Variants in BRAF observed in about 807,000 individuals in gnomAD.
The protein encoded by BRAF is serine/threonine-protein kinase B-raf.
Under a neutral mutation model 104.6 loss-of-function variants are expected in BRAF, and 16 were observed. The ratio of observed to expected loss-of-function variants is 0.15; its 90% CI spans 0.10 to 0.23. BRAF has a LOEUF of 0.23. Ranked by LOEUF, BRAF falls within the 10% of genes least tolerant of loss-of-function variation. The pLI, the probability that BRAF is intolerant of heterozygous loss-of-function variation, is 1.00. For synonymous variants in BRAF, 310 were observed against 341.6 expected (o/e 0.91, Z 1.02); for missense variants, 541 against 937.3 (o/e 0.58, Z 5.52).
intron 3 of BRAF, 152 bp downstream of exon 3, chr7:140,834,457 C>T (rs1024917237): frequency 9.1e-7 from 1 of 1,097,572 alleles, no homozygotes; most frequent in Non-Finnish European, 1.3e-6. Flanking sequence ...ACTTTGCCAC[C>T]AAATAATTAC....
Position 140,721,930 on chromosome 7 carries a change from A to G in BRAF, c.*4564T>C. On this transcript the variant is annotated 3_prime_UTR_variant, in exon 20 of 20. Coordinates refer to ENST00000644969, the MANE Select transcript of BRAF (RefSeq NM_001374258.1). Reference sequence around the variant, plus strand: ...GAAGAAATTTACATTTCAAACTCTGAAAAATCAGTGTCTAGGTTGGCAGCA... The same window carrying G: ...GAAGAAATTTACATTTCAAACTCTGGAAAATCAGTGTCTAGGTTGGCAGCA... 3 of 1,260,740 alleles carry G rather than the reference A, an allele frequency of 2.4e-6. No individual in the cohort carries two copies. Among genetic ancestry groups the G allele is most frequent in the Non-Finnish European group, 3.0e-6 (3 of 1,005,310 alleles). 78.1% of individuals were successfully genotyped at this position (1,260,740 alleles called of 1,614,324 possible).
chr7:140,877,189 A>G (rs1391788229), intron 1 of BRAF, among the ~76,000 whole-genome samples: 2 of 151,888 alleles, frequency 1.3e-5, no homozygotes, highest in Non-Finnish European at 2.9e-5. Flanking sequence ...CAACTGAATG[A>G]AAATACAGCA....
At chr7:140,853,209 A>G (rs940658849) in intron 1 of BRAF, among the ~76,000 whole-genome samples, 8 of 148,832 alleles carry the variant, frequency 5.4e-5, no homozygotes, top group African/African-American at 1.3e-4. Flanking sequence ...AGGACCCTGT[A>G]TCTACAAAAA....
chr7:140,713,515 A>AT, the BRAF span, among the ~76,000 whole-genome samples: 7 of 151,096 alleles, frequency 4.6e-5, no homozygotes, highest in South Asian at 6.3e-4. Flanking sequence ...CATTCATCTA[A>AT]TTTTTTTTCA....
At chr7:140,881,937 G>C (rs1032993116) in intron 1 of BRAF, among the ~76,000 whole-genome samples, 6 of 152,120 alleles carry the variant, frequency 3.9e-5, no homozygotes, top group African/African-American at 1.2e-4. Context: ...TAACATGCAA[G>C]ATCACAGAAC....
At chr7:140,838,159 T>C (rs1161096628) in intron 2 of BRAF, among the ~76,000 whole-genome samples, 1 of 152,200 alleles carries the variant, frequency 6.6e-6, no homozygotes, top group African/African-American at 2.4e-5. Flanking sequence ...TTCCTTCTCA[T>C]CAAAACTCTA....
chr7:140,821,725 T>C (rs768271781), intron 3 of BRAF, among the ~76,000 whole-genome samples: 1 of 152,126 alleles, frequency 6.6e-6, no homozygotes, highest in African/African-American at 2.4e-5. Context: ...AGCAGTCTCA[T>C]TGCTCGGTAT....
chr7:140,776,694 GTATT>G (rs1180450145), intron 14 of BRAF, among the ~76,000 whole-genome samples: 1 of 152,154 alleles, frequency 6.6e-6, no homozygotes, highest in African/African-American at 2.4e-5. Flanking sequence ...TTGCAGTCAT[GTATT>G]TATTATCAAA....
At chr7:140,730,919 C>T (rs1795910486) in intron 19 of BRAF, 1 of 152,178 alleles carries the variant, frequency 6.6e-6, no homozygotes, top group African/African-American at 2.4e-5. Flanking sequence ...TACTTCTTAT[C>T]CAAATCAATC....
intron 7 of BRAF, among the ~76,000 whole-genome samples, chr7:140,798,559 C>CTTTTTTTTT: frequency 8.0e-6 from 1 of 125,344 alleles, no homozygotes; most frequent in Non-Finnish European, 1.7e-5. Context: ...CGCGCCCGGC[C>CTTTTTTTTT]TTTTTTTTTT....
rs1450448581 is a variant in BRAF, at chr7:140,815,201, G to C, written c.505-6206C>G. On this transcript the variant is annotated intron_variant, in intron 3 of 19. Transcript: ENST00000644969. ...CGCCCAGGCTGCAGTGCAGTGGCGTGATCTCAGCTCACTGCAAGCTCCACC... is the reference window on the plus strand; with the variant it reads ...CGCCCAGGCTGCAGTGCAGTGGCGTCATCTCAGCTCACTGCAAGCTCCACC... 2.7e-5 allele frequency among the ~76,000 whole-genome samples: 4 copies of C among 150,436 alleles called. No homozygotes were observed. The East Asian group carries it at 7.8e-4, about 29-fold the overall frequency.
At chr7:140,732,269 A>C (rs1181372637) in intron 19 of BRAF, 3 of 148,712 alleles carry the variant, frequency 2.0e-5, no homozygotes, top group African/African-American at 7.4e-5. Context: ...GGAAAAAAGC[A>C]GTCACAAAAG....
intron 1 of BRAF, among the ~76,000 whole-genome samples, chr7:140,922,407 T>C (rs1371828916): frequency 6.6e-6 from 1 of 152,184 alleles, no homozygotes; most frequent in Non-Finnish European, 1.5e-5. Context: ...CCAAACAATC[T>C]GGCCCTTTCA....
chr7:140,846,430 T>C (rs1808548071), intron 2 of BRAF, among the ~76,000 whole-genome samples: 1 of 152,234 alleles, frequency 6.6e-6, no homozygotes, highest in Non-Finnish European at 1.5e-5. Flanking sequence ...ACAAATATTA[T>C]ATGATTCCAT....
chr7:140,923,579 A>C (rs1818495556), intron 1 of BRAF, among the ~76,000 whole-genome samples: 1 of 152,236 alleles, frequency 6.6e-6, no homozygotes, highest in African/African-American at 2.4e-5. Context: ...GGTAGGAATA[A>C]AGAGGTGTGA....
chr7:140,854,809 G>A (rs1458976958), intron 1 of BRAF, among the ~76,000 whole-genome samples: 1 of 152,122 alleles, frequency 6.6e-6, no homozygotes, highest in Non-Finnish European at 1.5e-5. Context: ...GCCGGGCGTG[G>A]TGGCGTGTGC....
chr7:140,729,108 A>G (rs1795784944), intron 19 of BRAF, among the ~76,000 whole-genome samples: 1 of 150,766 alleles, frequency 6.6e-6, no homozygotes, highest in Admixed American at 6.6e-5. Flanking sequence ...TGGCACATGC[A>G]TGTAGTCCTA....
chr7:140,775,816 A>C (rs916737078), intron 14 of BRAF, among the ~76,000 whole-genome samples: 1 of 152,154 alleles, frequency 6.6e-6, no homozygotes, highest in African/African-American at 2.4e-5. Flanking sequence ...TAAATTATAG[A>C]TATATTGCCT....
Position 140,754,087 on chromosome 7 carries a change from A to T in BRAF, c.1861+100T>A, listed in dbSNP as rs1425723396. ...TATTAATTCTCTTTACAGTATATCG[A>T]ACTTAGCATGAAAACTGTTTTTACA... On this transcript the variant is annotated intron_variant, in intron 15 of 19. Coordinates refer to ENST00000644969, the MANE Select transcript of BRAF (RefSeq NM_001374258.1). 3.3e-6 allele frequency: 4 copies of T among 1,226,930 alleles called. No individual in the cohort carries two copies. In the African/African-American group the frequency reaches 4.5e-5, roughly 14 times the overall value. The allele number at this position is 1,226,930 out of a possible 1,614,324, so 76.0% of individuals were successfully genotyped here.
Sources: gnomAD v4.1 joint callset for allele counts (sites outside exome capture counted in the v4.1 genomes callset) on GRCh38, gnomAD v4.1.1 for gene constraint, MANE v1.5 for transcripts, NCBI Gene and HGNC (gene_info 2026-07-23, HGNC 2026-07-21) for gene names.